The following MDH1B variants were observed in gnomAD, a reference collection of about 807,000 sequenced individuals.
MDH1B encodes the protein malate dehydrogenase 1B.
A neutral mutation model predicts 61.4 loss-of-function variants in MDH1B; 60 were observed. That is an observed-to-expected ratio of 0.98 (90% CI 0.79 to 1.21). MDH1B has a LOEUF of 1.21. Ranked by LOEUF, MDH1B falls within the 50% of genes most tolerant of loss-of-function variation. The probability of loss-of-function intolerance (pLI) is 0.00; values close to 1 mark genes in which losing one functional copy is unlikely to be tolerated. For synonymous variants in MDH1B, 236 were observed against 218.7 expected (o/e 1.08, Z -0.70); for missense variants, 587 against 632.1 (o/e 0.93, Z 0.76).
intron 6 of MDH1B, among the ~76,000 whole-genome samples, chr2:206,749,763 T>C (rs1156683879): frequency 6.6e-6 from 1 of 152,176 alleles, no homozygotes; most frequent in Non-Finnish European, 1.5e-5. Flanking sequence ...AAAGCAAAGA[T>C]TGTGTAAATT....
At position 206,741,191 on chromosome 2, in the gene MDH1B, T is replaced by C. The variant is rs1687789145; in HGVS notation, c.1409-87A>G. The C allele has an allele frequency of 3.3e-5, 51 of 1,562,926 alleles. No homozygotes were observed. The South Asian group carries it at 5.4e-4, about 17-fold the overall frequency. On this transcript the variant is annotated intron_variant, in intron 9 of 11. Coordinates refer to ENST00000374412, the MANE Select transcript of MDH1B (RefSeq NM_001039845.3). ...CATGAGATGTTCTGAGTCAATGTTT[T>C]TCAAACTTCAGTGACTATGACCCAC...
Position 206,755,098 on chromosome 2 carries a change from C to T in MDH1B, c.821G>A (p.Arg274His), listed in dbSNP as rs948551312. Reference protein sequence around the residue: ...KTVLLMRYAPRIAHNIIAVAL... With the variant: ...KTVLLMRYAPHIAHNIIAVAL... The stretch of plus-strand genomic sequence containing the variant: ...CACAGCAATAATGTTGTGTGCAATG[C>T]GTGGGGCATATCTCATGAGTAAAAC... Residue 274 changes from arginine (R) to histidine (H), a missense_variant, in exon 5 of 12, where the codon CGC becomes CAC. By Grantham distance (29) the Arg-to-His change is conservative (BLOSUM62 0). Transcript: ENST00000374412. 7 of 1,614,206 alleles carry T rather than the reference C, an allele frequency of 4.3e-6. No homozygotes were observed. Among genetic ancestry groups the T allele is most frequent in the Middle Eastern group, 1.6e-4 (1 of 6,062 alleles).
chr2:206,752,792 CTT>C (rs35837110), intron 5 of MDH1B, among the ~76,000 whole-genome samples: 17,785 of 140,750 alleles, frequency 0.13, 1,533 homozygotes, highest in African/African-American at 0.26. Context: ...TCCCCTCCTC[CTT>C]TTTTTTTTTT....
At chr2:206,747,563 T>C (rs1688187492) in intron 7 of MDH1B, among the ~76,000 whole-genome samples, 2 of 152,164 alleles carry the variant, frequency 1.3e-5, no homozygotes, top group Non-Finnish European at 2.9e-5. Flanking sequence ...GTGTCTACCA[T>C]ATAAAATGCT....
At chr2:206,756,612 C>A (rs1258805277) in intron 4 of MDH1B, 2 of 336,710 alleles carry the variant, frequency 5.9e-6, no homozygotes, top group South Asian at 8.6e-5. Flanking sequence ...GAGCAACAGT[C>A]AGAGAGGGTG....
intron 2 of MDH1B, among the ~76,000 whole-genome samples, chr2:206,757,767 A>T (rs1426965948): frequency 2.0e-5 from 3 of 152,192 alleles, no homozygotes; most frequent in Non-Finnish European, 4.4e-5. Context: ...ATAAAACTTG[A>T]TACTTTTTTT....
intron 2 of MDH1B, 31 bp from the exon 3 acceptor site, chr2:206,757,402 T>C: frequency 3.8e-6 from 6 of 1,596,082 alleles, no homozygotes; most frequent in East Asian, 4.5e-5. Flanking sequence ...TGAAGTCATA[T>C]ATTAAATCTG....
chr2:206,748,498 C>T (rs553601940), intron 7 of MDH1B, among the ~76,000 whole-genome samples: 4 of 152,186 alleles, frequency 2.6e-5, no homozygotes, highest in South Asian at 2.1e-4. Flanking sequence ...ACATTCCCAG[C>T]GCTGCCTGGT....
rs541033840 is a variant in MDH1B at position 206,759,570 on chromosome 2, C to T, written c.135+1331G>A. ...TTCCACCAATAGCCTATAAGTGTTC[C>T]TTTTTCTCCACAACCTCGCCAGCAT... is the stretch of plus-strand genomic sequence containing the variant. On this transcript the variant is annotated intron_variant, in intron 2 of 11. Coordinates refer to ENST00000374412, the MANE Select transcript of MDH1B (RefSeq NM_001039845.3). Among the ~76,000 whole-genome samples, 4 of 152,190 alleles carry T rather than the reference C, an allele frequency of 2.6e-5. No homozygotes were observed. In the East Asian group the frequency reaches 7.7e-4, roughly 29 times the overall value.
intron 2 of MDH1B, among the ~76,000 whole-genome samples, chr2:206,757,692 A>T (rs912317171): frequency 1.2e-4 from 19 of 152,196 alleles, no homozygotes; most frequent in Non-Finnish European, 2.2e-4. Flanking sequence ...ACTGATTTTT[A>T]AAAAAATTCA....
intron 5 of MDH1B, among the ~76,000 whole-genome samples, chr2:206,752,606 T>C (rs1480464009): frequency 6.6e-6 from 1 of 152,110 alleles, no homozygotes; most frequent in East Asian, 1.9e-4. Context: ...GGAAAATAAT[T>C]CTTGGGCCAG....
At chr2:206,747,656 C>T (rs1688192339) in intron 7 of MDH1B, among the ~76,000 whole-genome samples, 2 of 152,172 alleles carry the variant, frequency 1.3e-5, no homozygotes, top group Admixed American at 6.5e-5. Flanking sequence ...TGCAACTAAT[C>T]ATACTATCAA....
chr2:206,742,711 ATTTTTT>A (rs59584383), intron 9 of MDH1B, among the ~76,000 whole-genome samples: 2 of 97,214 alleles, frequency 2.1e-5, no homozygotes, highest in African/African-American at 8.5e-5. Flanking sequence ...TGATGTCTCT[ATTTTTT>A]TTTTTTTTTT....
intron 1 of MDH1B, 138 bp downstream of exon 1, chr2:206,765,112 G>A (rs1347199169): frequency 1.9e-5 from 20 of 1,074,436 alleles, no homozygotes; most frequent in Non-Finnish European, 2.6e-5. Context: ...CACCGTCACG[G>A]TCCAGTAAAA....
chr2:206,746,461 C>A (rs745662358), intron 7 of MDH1B, 35 bp from the exon 8 acceptor site: 1 of 1,579,922 alleles, frequency 6.3e-7, no homozygotes, highest in Admixed American at 1.9e-5. Context: ...AGCAATGCAG[C>A]AGAACTTAGA....
intron 8 of MDH1B, 70 bp downstream of exon 8, chr2:206,746,217 G>T: frequency 7.5e-7 from 1 of 1,329,390 alleles, no homozygotes; most frequent in Non-Finnish European, 1.0e-6. Context: ...ACCAATGTAT[G>T]CCTTGGCCTA....
At chr2:206,745,938 T>C (rs1688083353) in intron 8 of MDH1B, among the ~76,000 whole-genome samples, 1 of 152,084 alleles carries the variant, frequency 6.6e-6, no homozygotes, top group Non-Finnish European at 1.5e-5. Flanking sequence ...TTCTCCATGT[T>C]GGTCAGGCTG....
chr2:206,746,578 C>T (rs1688124759), intron 7 of MDH1B, 152 bp from the exon 8 acceptor site: 2 of 827,764 alleles, frequency 2.4e-6, no homozygotes, highest in Non-Finnish European at 1.8e-6. Flanking sequence ...CCAAAGAGGA[C>T]TGAAACACTC....
chr2:206,763,984 T>G (rs1316793039), intron 1 of MDH1B, among the ~76,000 whole-genome samples: 1 of 152,130 alleles, frequency 6.6e-6, no homozygotes, highest in Non-Finnish European at 1.5e-5. Context: ...CTTCCCACCA[T>G]GTGGTTAGTC....
Sources: allele counts gnomAD v4.1 joint callset (sites outside exome capture counted in the v4.1 genomes callset), GRCh38; gene constraint gnomAD v4.1.1; transcripts MANE v1.5; gene names NCBI Gene and HGNC (gene_info 2026-07-23, HGNC 2026-07-21).